TMTC2: variants seen among roughly 807,000 people sequenced by gnomAD.
The protein encoded by TMTC2 is transmembrane O-mannosyltransferase targeting cadherins 2.
In TMTC2, 43 loss-of-function variants were observed where a neutral mutation model predicts 82.4. That is an observed-to-expected ratio of 0.52 (90% CI 0.41 to 0.67). The LOEUF is 0.67. Ranked by LOEUF, TMTC2 falls within the 30% of genes least tolerant of loss-of-function variation. The pLI is 0.00. For synonymous variants in TMTC2, 408 were observed against 381.9 expected (o/e 1.07, Z -0.80); for missense variants, 919 against 1,012.4 (o/e 0.91, Z 1.25).
At chr12:82,883,514 C>T (rs1365325168) in intron 2 of TMTC2, among the ~76,000 whole-genome samples, 1 of 152,150 alleles carries the variant, frequency 6.6e-6, no homozygotes, top group African/African-American at 2.4e-5. Flanking sequence ...ATCTTAGCCT[C>T]CCCACTGAGT....
At chr12:82,872,143 T>G (rs973203580) in intron 2 of TMTC2, among the ~76,000 whole-genome samples, 8 of 152,002 alleles carry the variant, frequency 5.3e-5, no homozygotes, top group Non-Finnish European at 1.0e-4. Context: ...TCTAATTGGT[T>G]TGGAAGCCTC....
intron 9 of TMTC2, among the ~76,000 whole-genome samples, chr12:83,043,248 T>C (rs1881961923): frequency 6.6e-6 from 1 of 152,162 alleles, no homozygotes; most frequent in Non-Finnish European, 1.5e-5. Context: ...AAGCTACCAC[T>C]CTTTAGTAGT....
intron 4 of TMTC2, among the ~76,000 whole-genome samples, chr12:82,963,901 A>G (rs1458295983): frequency 7.0e-6 from 1 of 142,384 alleles, no homozygotes; most frequent in Non-Finnish European, 1.5e-5. Context: ...ATGACTTTGT[A>G]GCAACTATGA....
rs201352483 is a variant in TMTC2 at position 82,993,032 on chromosome 12, TG to T, written c.2070+6988del. On this transcript the variant is annotated intron_variant, in intron 8 of 11. Transcript: ENST00000321196. ...TGGATTCTCACTCTGTCACCCAGGC[TG>T]GAGTGCAGTGGCACGATTTCGGCTC... Among the ~76,000 whole-genome samples, 411 of 152,312 alleles carry T rather than the reference TG, an allele frequency of 2.7e-3. 11 individuals are homozygous for T. In the East Asian group the frequency reaches 0.064, roughly 24 times the overall value.
chr12:83,115,652 T>A (rs971453758), intron 11 of TMTC2, among the ~76,000 whole-genome samples: 5 of 152,188 alleles, frequency 3.3e-5, no homozygotes, highest in East Asian at 1.9e-4. Flanking sequence ...TTATTATTTT[T>A]TTTTTTATTT....
Position 82,921,088 on chromosome 12 carries a change from T to G in TMTC2, c.1484-9343T>G, listed in dbSNP as rs1302727623. Reference sequence around the variant, plus strand: ...AGTTTTATTTTGTTACTACTGAGGGTTTTTTTTTCCCCCTAGCAGTTCTGA... The same window carrying G: ...AGTTTTATTTTGTTACTACTGAGGGGTTTTTTTTCCCCCTAGCAGTTCTGA... On this transcript the variant is annotated intron_variant, in intron 3 of 11. Coordinates refer to ENST00000321196, the MANE Select transcript of TMTC2 (RefSeq NM_152588.3). Among the ~76,000 whole-genome samples, 8 of 151,204 alleles carry G rather than the reference T, an allele frequency of 5.3e-5. No homozygotes were observed. The East Asian group carries it at 7.7e-4, about 15-fold the overall frequency.
At chr12:82,768,616 A>G (rs1463693775) in intron 1 of TMTC2, among the ~76,000 whole-genome samples, 2 of 151,834 alleles carry the variant, frequency 1.3e-5, no homozygotes, top group Non-Finnish European at 2.9e-5. Context: ...TCGACTCTTC[A>G]TGTCTGTTAA....
intron 2 of TMTC2, among the ~76,000 whole-genome samples, chr12:82,878,041 G>A (rs557847436): frequency 2.0e-5 from 3 of 152,248 alleles, no homozygotes; most frequent in African/African-American, 4.8e-5. Context: ...TAAGATTCTG[G>A]TGTATCTAAA....
Position 82,687,123 on chromosome 12 carries a change from G to A in TMTC2, c.-464G>A, listed in dbSNP as rs1410316967. 1.8e-5 allele frequency: 3 copies of A among 165,110 alleles called. No homozygotes were observed. The highest frequency in any genetic ancestry group is 3.6e-4 in the East Asian group (2 of 5,542). The allele number at this position is 165,110 out of a possible 1,614,324, so 10.2% of individuals were successfully genotyped here. A position where few individuals can be genotyped will look rare whatever the true frequency, so the allele number is the denominator to read the frequency against. ...GCGGTTCGCCTTGTCCCTCCCACCC[G>A]CGCCTCTTTCTCTCTCTTCCTCCAG... is the stretch of plus-strand genomic sequence containing the variant. On this transcript the variant is annotated 5_prime_UTR_variant, in exon 1 of 12. Transcript: ENST00000321196.
In TMTC2 at chr12:82,895,976, C is replaced by G; in HGVS notation, c.813C>G (p.Leu271=). The G allele has an allele frequency of 6.2e-7, 1 of 1,613,910 alleles. No homozygotes were observed. Among genetic ancestry groups the G allele is most frequent in the African/African-American group, 1.3e-5 (1 of 74,952 alleles). ...ADSDSLLTRT[L]TFFYLPTKNL... ...CGGACAGCCTCCTCACCCGCACTCT[C>G]ACCTTCTTCTACTTGCCAACCAAGA... is the stretch of plus-strand genomic sequence containing the variant. The change falls in exon 3 of 12, where the codon CTC becomes CTG. Residue 271 remains leucine (L), a synonymous_variant. Transcript: ENST00000321196.
chr12:82,947,924 C>G (rs1235078194), intron 4 of TMTC2, among the ~76,000 whole-genome samples: 1 of 152,162 alleles, frequency 6.6e-6, no homozygotes, highest in African/African-American at 2.4e-5. Context: ...TCAGCCTTGT[C>G]TACCAATTTG....
chr12:82,958,117 C>T (rs1396452239), intron 4 of TMTC2, among the ~76,000 whole-genome samples: 2 of 152,028 alleles, frequency 1.3e-5, no homozygotes, highest in Non-Finnish European at 2.9e-5. Context: ...AATCTCAATA[C>T]ATTGGCAAGC....
chr12:83,059,671 C>G (rs1270678988), intron 10 of TMTC2, among the ~76,000 whole-genome samples: 3 of 151,604 alleles, frequency 2.0e-5, no homozygotes, highest in Non-Finnish European at 4.4e-5. Context: ...CTGAATAATA[C>G]GAAGACTTTA....
At chr12:82,782,414 C>T (rs977449153) in intron 1 of TMTC2, among the ~76,000 whole-genome samples, 1 of 152,212 alleles carries the variant, frequency 6.6e-6, no homozygotes, top group Non-Finnish European at 1.5e-5. Context: ...AGGCTTTATT[C>T]AGTAGACATT....
chr12:82,884,550 CTCA>C (rs1348202869), intron 2 of TMTC2, among the ~76,000 whole-genome samples: 1 of 152,166 alleles, frequency 6.6e-6, no homozygotes, highest in Non-Finnish European at 1.5e-5. Context: ...TCTATCAAAG[CTCA>C]TCTACATTTA....
At chr12:82,779,830 C>T (rs1051941714) in intron 1 of TMTC2, among the ~76,000 whole-genome samples, 2 of 151,980 alleles carry the variant, frequency 1.3e-5, no homozygotes, top group African/African-American at 4.8e-5. Context: ...AACCAAGAGG[C>T]GGAGGATGCA....
chr12:83,067,654 A>G (rs924283742), intron 11 of TMTC2, among the ~76,000 whole-genome samples: 8 of 152,066 alleles, frequency 5.3e-5, no homozygotes, highest in African/African-American at 1.9e-4. Flanking sequence ...TATGTTAAAG[A>G]CTCATGGACA....
intron 11 of TMTC2, among the ~76,000 whole-genome samples, chr12:83,101,527 T>C (rs1232918613): frequency 6.6e-6 from 1 of 152,184 alleles, no homozygotes; most frequent in Non-Finnish European, 1.5e-5. Flanking sequence ...ATCCAGTCTA[T>C]CCAAATACTT....
intron 11 of TMTC2, among the ~76,000 whole-genome samples, chr12:83,111,576 AC>A (rs2137546686): frequency 6.6e-6 from 1 of 152,144 alleles, no homozygotes; most frequent in African/African-American, 2.4e-5. Flanking sequence ...TGTTCTGTAA[AC>A]CCTTCCTTTC....
Sources: allele counts gnomAD v4.1 joint callset (sites outside exome capture counted in the v4.1 genomes callset), GRCh38; gene constraint gnomAD v4.1.1; transcripts MANE v1.5; gene names NCBI Gene and HGNC (gene_info 2026-07-23, HGNC 2026-07-21).